PLOD2: variants seen among roughly 807,000 people sequenced by gnomAD.
PLOD2 encodes the protein lysine hydroxylase 2.
A neutral mutation model predicts 101.0 loss-of-function variants in PLOD2; 65 were observed. The observed-to-expected ratio is 0.64, with a 90% confidence interval of 0.53 to 0.79. PLOD2 has a LOEUF of 0.79. PLOD2 is among the 30% of genes least tolerant of loss of function. PLOD2 has a pLI of 0.00. For synonymous variants in PLOD2, 314 were observed against 302.9 expected (o/e 1.04, Z -0.38); for missense variants, 909 against 914.6 (o/e 0.99, Z 0.08).
At chr3:146,080,537 C>T (rs1038623695) in intron 12 of PLOD2, among the ~76,000 whole-genome samples, 3 of 152,114 alleles carry the variant, frequency 2.0e-5, no homozygotes, top group African/African-American at 7.2e-5. Context: ...CACACACACA[C>T]AGTTGCTCCT....
chr3:146,127,648 C>T (rs1188972466), intron 1 of PLOD2, among the ~76,000 whole-genome samples: 3 of 151,968 alleles, frequency 2.0e-5, no homozygotes, highest in South Asian at 2.1e-4. Flanking sequence ...TGAGTATAGG[C>T]GTCTTTTTTA....
At chr3:146,136,137 T>C (rs888754630) in intron 1 of PLOD2, among the ~76,000 whole-genome samples, 7 of 152,314 alleles carry the variant, frequency 4.6e-5, no homozygotes, top group African/African-American at 1.7e-4. Flanking sequence ...GGGTTTTGTT[T>C]CTCACACTTC....
At chr3:146,111,489 T>G (rs1937632320) in intron 3 of PLOD2, among the ~76,000 whole-genome samples, 1 of 152,042 alleles carries the variant, frequency 6.6e-6, no homozygotes, top group Admixed American at 6.6e-5. Flanking sequence ...CAAGTTATAA[T>G]TTAAAAAAAT....
At chr3:146,088,253 T>C (rs1435879095) in intron 9 of PLOD2, among the ~76,000 whole-genome samples, 1 of 151,652 alleles carries the variant, frequency 6.6e-6, no homozygotes, top group East Asian at 1.9e-4. Flanking sequence ...ACCAATTCTA[T>C]AGAAGAAAGT....
At chr3:146,075,745 A>G (rs538204326) in intron 15 of PLOD2, among the ~76,000 whole-genome samples, 11 of 151,798 alleles carry the variant, frequency 7.2e-5, no homozygotes, top group Non-Finnish European at 1.3e-4. Flanking sequence ...AATTGTGATT[A>G]AAACTGGATG....
chr3:146,153,007 C>T (rs1410323097), intron 1 of PLOD2, among the ~76,000 whole-genome samples: 2 of 152,172 alleles, frequency 1.3e-5, no homozygotes, highest in Non-Finnish European at 2.9e-5. Context: ...GGCAGGAATT[C>T]CAGAGGCCCT....
chr3:146,119,965 G>A (rs551787130), intron 3 of PLOD2, among the ~76,000 whole-genome samples: 184 of 152,222 alleles, frequency 1.2e-3, no homozygotes, highest in African/African-American at 4.1e-3. Flanking sequence ...CCCAGTAATG[G>A]GATGGCTGGG....
At position 146,138,751 on chromosome 3, in the gene PLOD2, G is replaced by A. The variant is rs1463095081; in HGVS notation, c.110-14522C>T. ...TCAAATGTAATAGCAAGCTAGTAGA[G>A]GATTCTGAGTAAAGAGATGATATAA... On this transcript the variant is annotated intron_variant, in intron 1 of 19. Transcript: ENST00000282903. Among the ~76,000 whole-genome samples the A allele has an allele frequency of 4.6e-5, 7 of 152,018 alleles. No homozygotes were observed. The South Asian group carries it at 1.5e-3, about 32-fold the overall frequency.
chr3:146,073,254 A>T (rs545998480), intron 16 of PLOD2, 33 bp downstream of exon 16: 216 of 859,020 alleles, frequency 2.5e-4, no homozygotes, highest in Non-Finnish European at 3.5e-4. Flanking sequence ...ATAACAGCAA[A>T]ATTTTCTATA....
chr3:146,121,219 A>T lies in PLOD2; in HGVS notation c.231T>A (p.Gly77=). The T allele has an allele frequency of 6.2e-7, 1 of 1,610,924 alleles. No individual in the cohort carries two copies. Among genetic ancestry groups the T allele is most frequent in the Non-Finnish European group, 8.5e-7 (1 of 1,177,584 alleles). ...KVLGQGEEWR[G]GDGINSIGGG... ...CTCCAATACTATTAATTCCATCACC[A>T]CCTCTCCATTCTTCTCCTTGACCAA... The change falls in exon 3 of 20, where the codon GGT becomes GGA. Residue 77 remains glycine, a synonymous_variant. Coordinates refer to ENST00000282903, the MANE Select transcript of PLOD2 (RefSeq NM_182943.3).
chr3:146,126,887 T>C (rs2030595814), intron 1 of PLOD2, among the ~76,000 whole-genome samples: 1 of 151,130 alleles, frequency 6.6e-6, no homozygotes, highest in East Asian at 1.9e-4. Flanking sequence ...TCAAATGATA[T>C]CATGCCTGCA....
chr3:146,137,363 C>G (rs2031289309), intron 1 of PLOD2, among the ~76,000 whole-genome samples: 1 of 152,212 alleles, frequency 6.6e-6, no homozygotes, highest in Non-Finnish European at 1.5e-5. Flanking sequence ...ACTCCCACCT[C>G]AGCCTCCTGA....
At chr3:146,120,795 G>C (rs1226733154) in intron 3 of PLOD2, among the ~76,000 whole-genome samples, 1 of 152,016 alleles carries the variant, frequency 6.6e-6, no homozygotes, top group East Asian at 1.9e-4. Context: ...CGCAATCTCG[G>C]CTCACTGCAA....
At chr3:146,099,875 A>G (rs1275268779) in intron 7 of PLOD2, among the ~76,000 whole-genome samples, 8 of 135,444 alleles carry the variant, frequency 5.9e-5, no homozygotes, top group Non-Finnish European at 1.2e-4. Flanking sequence ...AGTTACAGTG[A>G]CCAACTTTTT....
At chr3:146,131,132 C>T (rs1003212637) in intron 1 of PLOD2, among the ~76,000 whole-genome samples, 3 of 152,222 alleles carry the variant, frequency 2.0e-5, no homozygotes, top group African/African-American at 7.2e-5. Flanking sequence ...AAACATTTCA[C>T]ACATGTTGTC....
chr3:146,099,973 C>T (rs753395940), intron 7 of PLOD2, among the ~76,000 whole-genome samples: 4 of 151,398 alleles, frequency 2.6e-5, no homozygotes, highest in Non-Finnish European at 4.4e-5. Flanking sequence ...ACCTGTCTCC[C>T]GGGTTGAAGC....
At chr3:146,127,502 T>C (rs1321196805) in intron 1 of PLOD2, among the ~76,000 whole-genome samples, 2 of 152,090 alleles carry the variant, frequency 1.3e-5, no homozygotes, top group African/African-American at 4.8e-5. Context: ...AGGACAGGAT[T>C]TCATTTTTTT....
At chr3:146,116,200 G>A (rs1576606731) in intron 3 of PLOD2, among the ~76,000 whole-genome samples, 1 of 151,756 alleles carries the variant, frequency 6.6e-6, no homozygotes, top group East Asian at 1.9e-4. Context: ...CCAATACTAT[G>A]GATCCACTCC....
intron 6 of PLOD2, among the ~76,000 whole-genome samples, 191 bp from the exon 7 acceptor site, chr3:146,103,043 A>G (rs1937447053): frequency 6.6e-6 from 1 of 152,210 alleles, no homozygotes; most frequent in South Asian, 2.1e-4. Flanking sequence ...ATGAAGGATG[A>G]CAGTGACAAC....
Sources: gnomAD v4.1 joint callset for allele counts (sites outside exome capture counted in the v4.1 genomes callset) on GRCh38, gnomAD v4.1.1 for gene constraint, MANE v1.5 for transcripts, NCBI Gene and HGNC (gene_info 2026-07-23, HGNC 2026-07-21) for gene names.